The following RSPH14 variants were observed in gnomAD, a reference collection of about 807,000 sequenced individuals.
The protein encoded by RSPH14 is radial spoke head 14 homolog, also known as rhabdoid tumor deletion region gene 1.
RSPH14 carries 20 observed loss-of-function variants against 26.7 expected under a neutral mutation model. The observed-to-expected ratio is 0.75, with a 90% CI of 0.53 to 1.09. RSPH14 has a LOEUF of 1.09. Ranked by LOEUF, RSPH14 falls within the 50% of genes least tolerant of loss-of-function variation. The probability of loss-of-function intolerance (pLI) is 0.00; values close to 1 mark genes in which losing one functional copy is unlikely to be tolerated. For synonymous variants in RSPH14, 177 were observed against 189.3 expected, an observed-to-expected ratio of 0.93 and a Z score of 0.53; for missense variants, 449 against 457.2, an observed-to-expected ratio of 0.98 and a Z score of 0.16.
At chr22:23,100,856 C>T (rs2146331185) in intron 4 of RSPH14, among the ~76,000 whole-genome samples, 1 of 152,340 alleles carries the variant, frequency 6.6e-6, no homozygotes, top group South Asian at 2.1e-4. Flanking sequence ...GGAGTGTATG[C>T]AGTACCCTGA....
At chr22:23,109,385 A>G (rs984106914) in intron 4 of RSPH14, among the ~76,000 whole-genome samples, 9 of 152,176 alleles carry the variant, frequency 5.9e-5, no homozygotes, top group Non-Finnish European at 1.0e-4. Flanking sequence ...TGCCTTGTTA[A>G]GGGATCAGCT....
At chr22:23,062,025 A>C (rs1057331295) in intron 5 of RSPH14, 80 bp from the exon 6 acceptor site, 5 of 1,549,078 alleles carry the variant, frequency 3.2e-6, no homozygotes, top group Non-Finnish European at 4.4e-6. Flanking sequence ...CCAGGGAGAC[A>C]CAAAAGAAAT....
At chr22:23,171,787 A>G in the RSPH14 span, among the ~76,000 whole-genome samples, 1 of 139,268 alleles carries the variant, frequency 7.2e-6, no homozygotes, top group African/African-American at 2.7e-5. Context: ...GATTGCGGTG[A>G]GCTGAGATCT....
chr22:23,130,533 A>AAAGAAAGAAAGAAAGG (rs1569193256), intron 4 of RSPH14, among the ~76,000 whole-genome samples: 4 of 85,378 alleles, frequency 4.7e-5, no homozygotes, highest in Admixed American at 3.3e-4. Context: ...AGAAAGAAAG[A>AAAGAAAGAAAGAAAGG]GAAAGAAGGA....
At chr22:23,154,865 C>A in the RSPH14 span, among the ~76,000 whole-genome samples, 2 of 152,198 alleles carry the variant, frequency 1.3e-5, no homozygotes, top group Non-Finnish European at 2.9e-5. Context: ...GTGGCTCACA[C>A]CTGTAATCCC....
At chr22:23,099,492 G>T (rs2069231871) in intron 4 of RSPH14, among the ~76,000 whole-genome samples, 2 of 152,264 alleles carry the variant, frequency 1.3e-5, no homozygotes, top group Admixed American at 1.3e-4. Flanking sequence ...ACACAAGGGG[G>T]TTTTTCTGGC....
chr22:23,066,799 G>C (rs1258056388), intron 4 of RSPH14, among the ~76,000 whole-genome samples: 1 of 152,182 alleles, frequency 6.6e-6, no homozygotes, highest in South Asian at 2.1e-4. Context: ...GGGGCACAGA[G>C]AATCAGCCAG....
intron 4 of RSPH14, among the ~76,000 whole-genome samples, chr22:23,070,008 CT>C (rs1251827420): frequency 6.6e-6 from 1 of 152,170 alleles, no homozygotes; most frequent in Admixed American, 6.5e-5. Flanking sequence ...TGGGCTCAGG[CT>C]TGGTTTCCCG....
chr22:23,166,156 A>G, the RSPH14 span, among the ~76,000 whole-genome samples: 1 of 145,514 alleles, frequency 6.9e-6, no homozygotes, highest in Non-Finnish European at 1.5e-5. Flanking sequence ...TTAAAAAAAA[A>G]AAAAAAAAAA....
the RSPH14 span, chr22:23,158,762 C>A: frequency 1.3e-6 from 1 of 741,076 alleles, no homozygotes; most frequent in Non-Finnish European, 2.3e-6. Context: ...CCTGCTCAGC[C>A]AGTGTGGGCC....
At chr22:23,115,102 A>C (rs1025611562) in intron 4 of RSPH14, among the ~76,000 whole-genome samples, 1 of 152,180 alleles carries the variant, frequency 6.6e-6, no homozygotes, top group African/African-American at 2.4e-5. Context: ...TGGCCACAGC[A>C]AACTGCATGG....
intron 4 of RSPH14, among the ~76,000 whole-genome samples, chr22:23,114,462 C>T (rs970868835): frequency 2.0e-5 from 3 of 152,216 alleles, no homozygotes; most frequent in African/African-American, 7.2e-5. Flanking sequence ...CCTGCAATGC[C>T]TTCCCTTCCC....
the RSPH14 span, chr22:23,153,062 A>G: frequency 1.2e-6 from 2 of 1,614,088 alleles, no homozygotes; most frequent in Non-Finnish European, 1.7e-6. Context: ...GATCGAGACT[A>G]CAAGGCCACC....
chr22:23,176,704 G>A, the RSPH14 span, among the ~76,000 whole-genome samples: 4 of 152,066 alleles, frequency 2.6e-5, no homozygotes, highest in African/African-American at 9.7e-5. Context: ...GGGGTACCTT[G>A]CTTCTGCCCT....
At chr22:23,152,584 T>G in the RSPH14 span, 1 of 1,529,100 alleles carries the variant, frequency 6.5e-7, no homozygotes, top group Non-Finnish European at 9.1e-7. Context: ...TGTCATACCT[T>G]TGCCTGGGTG....
At chr22:23,078,305 C>T (rs1026954732) in intron 4 of RSPH14, among the ~76,000 whole-genome samples, 1 of 152,206 alleles carries the variant, frequency 6.6e-6, no homozygotes, top group Non-Finnish European at 1.5e-5. Flanking sequence ...TATTCATTTC[C>T]CTTAAACACT....
Position 23,138,850 on chromosome 22 carries a change from T to C in RSPH14, c.292A>G (p.Ser98Gly), listed in dbSNP as rs2070531138. 2 of 1,550,940 alleles carry C rather than the reference T, an allele frequency of 1.3e-6. No homozygotes were observed. Among genetic ancestry groups the C allele is most frequent in the Admixed American group, 2.0e-5 (1 of 50,942 alleles). The change falls in exon 3 of 7, where the codon AGC becomes GGC. Residue 98 changes from serine (S) to glycine (G), a missense_variant. Ser to Gly is a moderately conservative substitution (Grantham distance 56). Coordinates refer to ENST00000216036, the MANE Select transcript of RSPH14 (RefSeq NM_014433.3). ...AGAACAGCATCCCACCTGCCCACGC[T>C]ATGGCTTGCCGTGATGTGGAGCACC... ...TEVLHITASH[S>G]VGRYAFLEHD...
the RSPH14 span, chr22:23,150,247 C>T: frequency 2.3e-4 from 239 of 1,023,280 alleles, no homozygotes; most frequent in Middle Eastern, 1.2e-3. Flanking sequence ...AACACACACA[C>T]GAGGCTGGTG....
At chr22:23,120,925 G>C (rs973212483) in intron 4 of RSPH14, among the ~76,000 whole-genome samples, 1 of 152,114 alleles carries the variant, frequency 6.6e-6, no homozygotes, top group African/African-American at 2.4e-5. Context: ...CAAAATTTGG[G>C]GTCAGAAGCA....
Sources: allele counts gnomAD v4.1 joint callset (sites outside exome capture counted in the v4.1 genomes callset), GRCh38; gene constraint gnomAD v4.1.1; transcripts MANE v1.5; gene names NCBI Gene and HGNC (gene_info 2026-07-23, HGNC 2026-07-21).